Variants in KCNB2 observed in about 807,000 individuals in gnomAD.
The protein encoded by KCNB2 is delayed rectifier potassium channel protein.
Under a neutral mutation model 61.5 loss-of-function variants are expected in KCNB2, and 15 were observed. The observed-to-expected ratio is 0.24, with a 90% CI of 0.16 to 0.38. KCNB2 has a LOEUF of 0.38. Among genes scored for constraint, KCNB2 ranks in the 10% least tolerant of loss-of-function variants. KCNB2 has a pLI of 1.00. For synonymous variants in KCNB2, 457 were observed against 446.0 expected, an observed-to-expected ratio of 1.02 and a Z score of -0.31; for missense variants, 828 against 1,125.2, an observed-to-expected ratio of 0.74 and a Z score of 3.78.
intron 2 of KCNB2, among the ~76,000 whole-genome samples, chr8:72,849,004 C>T (rs1315648193): frequency 6.7e-6 from 1 of 150,086 alleles, no homozygotes; most frequent in Admixed American, 6.7e-5. Flanking sequence ...GTATTTTCAT[C>T]ATCTTTAACA....
intron 2 of KCNB2, among the ~76,000 whole-genome samples, chr8:72,571,786 T>C (rs1393408696): frequency 6.6e-6 from 1 of 152,192 alleles, no homozygotes; most frequent in Non-Finnish European, 1.5e-5. Flanking sequence ...GTGCCTTTCA[T>C]AGGATCGTGC....
intron 2 of KCNB2, among the ~76,000 whole-genome samples, chr8:72,742,131 G>A (rs185742438): frequency 1.3e-5 from 2 of 152,224 alleles, no homozygotes; most frequent in Non-Finnish European, 2.9e-5. Context: ...TTCAAATTGT[G>A]TATATTTCTG....
chr8:72,740,276 G>T (rs1335752096), intron 2 of KCNB2, among the ~76,000 whole-genome samples: 3 of 152,240 alleles, frequency 2.0e-5, no homozygotes, highest in East Asian at 1.9e-4. Flanking sequence ...AGAAAATGAG[G>T]TGATCATTCC....
At chr8:72,584,106 CA>C (rs575686116) in intron 2 of KCNB2, among the ~76,000 whole-genome samples, 9 of 145,592 alleles carry the variant, frequency 6.2e-5, no homozygotes, top group Non-Finnish European at 9.1e-5. Flanking sequence ...CAAAACAAAA[CA>C]AAAAAAAACA....
chr8:72,830,662 T>A (rs1809679503), intron 2 of KCNB2, among the ~76,000 whole-genome samples: 1 of 152,226 alleles, frequency 6.6e-6, no homozygotes, highest in Non-Finnish European at 1.5e-5. Flanking sequence ...AGTCCATCTG[T>A]GTACTTGATC....
chr8:72,843,096 C>G (rs1271185541), intron 2 of KCNB2, among the ~76,000 whole-genome samples: 3 of 152,172 alleles, frequency 2.0e-5, no homozygotes, highest in African/African-American at 7.2e-5. Flanking sequence ...TCCCTCTAAA[C>G]ACTGCTTTAG....
intron 2 of KCNB2, among the ~76,000 whole-genome samples, chr8:72,716,217 G>A (rs6994563): frequency 0.67 from 101,993 of 151,812 alleles, 35,028 homozygotes; most frequent in African/African-American, 0.8. Flanking sequence ...ATTCACAGCC[G>A]AATTCTACCA....
At chr8:72,894,747 A>G (rs1805959488) in intron 2 of KCNB2, among the ~76,000 whole-genome samples, 3 of 152,144 alleles carry the variant, frequency 2.0e-5, no homozygotes, top group Admixed American at 1.3e-4. Flanking sequence ...GCAGTTCTCC[A>G]TCACCTTCCA....
intron 2 of KCNB2, among the ~76,000 whole-genome samples, chr8:72,611,250 C>G (rs1413585813): frequency 6.6e-6 from 1 of 152,124 alleles, no homozygotes; most frequent in Non-Finnish European, 1.5e-5. Context: ...TAAAGTTGAT[C>G]AGTATTACAA....
chr8:72,570,055 T>G (rs918370319), intron 2 of KCNB2, among the ~76,000 whole-genome samples: 194 of 152,138 alleles, frequency 1.3e-3, no homozygotes, highest in Non-Finnish European at 3.1e-4. Context: ...CAACCTGATT[T>G]CCTACACAAG....
At chr8:72,674,139 G>A (rs1256968413) in intron 2 of KCNB2, among the ~76,000 whole-genome samples, 1 of 152,198 alleles carries the variant, frequency 6.6e-6, no homozygotes, top group African/African-American at 2.4e-5. Flanking sequence ...TATAAAGTCA[G>A]ATGCATAACT....
At chr8:72,931,697 G>T (rs1806787798) in intron 2 of KCNB2, among the ~76,000 whole-genome samples, 6 of 152,170 alleles carry the variant, frequency 3.9e-5, no homozygotes, top group Admixed American at 3.9e-4. Context: ...GAGGTCAGTT[G>T]TTGGAGGTGA....
chr8:72,739,514 C>T (rs1807909665), intron 2 of KCNB2, among the ~76,000 whole-genome samples: 2 of 151,812 alleles, frequency 1.3e-5, no homozygotes, highest in African/African-American at 4.8e-5. Flanking sequence ...GAGGAGAAAA[C>T]TTTTAAAGAA....
At chr8:72,757,856 C>G (rs2128996204) in intron 2 of KCNB2, among the ~76,000 whole-genome samples, 1 of 152,276 alleles carries the variant, frequency 6.6e-6, no homozygotes, top group Non-Finnish European at 1.5e-5. Flanking sequence ...CCAAGAAGTG[C>G]TGAGCTTCAA....
intron 2 of KCNB2, among the ~76,000 whole-genome samples, chr8:72,705,374 C>T (rs1441566347): frequency 6.6e-6 from 1 of 152,196 alleles, no homozygotes; most frequent in Admixed American, 6.5e-5. Context: ...CATCCATTAA[C>T]TTCATCAAGG....
At chr8:72,771,852 C>G (rs1808567320) in intron 2 of KCNB2, among the ~76,000 whole-genome samples, 1 of 152,076 alleles carries the variant, frequency 6.6e-6, no homozygotes, top group Non-Finnish European at 1.5e-5. Context: ...CATGTTTATT[C>G]AGTCATCATA....
At chr8:72,613,091 TG>T (rs559028159) in intron 2 of KCNB2, among the ~76,000 whole-genome samples, 783 of 152,284 alleles carry the variant, frequency 5.1e-3, no homozygotes, top group Non-Finnish European at 9.1e-3. Context: ...AACTGCCCCA[TG>T]GTTACATATG....
At chr8:72,818,235 A>C (rs1809437020) in intron 2 of KCNB2, among the ~76,000 whole-genome samples, 1 of 152,198 alleles carries the variant, frequency 6.6e-6, no homozygotes, top group African/African-American at 2.4e-5. Flanking sequence ...TGTAACAAAA[A>C]TATTATATAA....
intron 2 of KCNB2, among the ~76,000 whole-genome samples, chr8:72,695,481 C>G (rs1426646866): frequency 1.3e-5 from 2 of 152,072 alleles, no homozygotes; most frequent in Non-Finnish European, 2.9e-5. Flanking sequence ...GATTATGTGA[C>G]TATGACAAAT....
Sources: gnomAD v4.1 joint callset for allele counts (sites outside exome capture counted in the v4.1 genomes callset) on GRCh38, gnomAD v4.1.1 for gene constraint, MANE v1.5 for transcripts, NCBI Gene and HGNC (gene_info 2026-07-23, HGNC 2026-07-21) for gene names.